Variants in UBE2R2 observed in about 807,000 individuals in gnomAD.
The protein encoded by UBE2R2 is ubiquitin conjugating enzyme E2 R2.
A neutral mutation model predicts 27.8 loss-of-function variants in UBE2R2; 1 was observed. That is an observed-to-expected ratio of 0.04 (90% CI 0.01 to 0.17). The LOEUF (loss-of-function observed/expected upper bound fraction) is 0.17, where lower values mean the gene tolerates loss of function less well. Among genes scored for constraint, UBE2R2 ranks in the 10% least tolerant of loss-of-function variants. The probability of loss-of-function intolerance (pLI) is 1.00; values close to 1 mark genes in which losing one functional copy is unlikely to be tolerated. For missense variants in UBE2R2, 100 were observed against 291.0 expected, an observed-to-expected ratio of 0.34 and a Z score of 4.78; for synonymous variants, 106 against 113.3, an observed-to-expected ratio of 0.94 and a Z score of 0.41.
At chr9:33,896,482 G>A (rs1041530883) in intron 2 of UBE2R2, among the ~76,000 whole-genome samples, 13 of 151,462 alleles carry the variant, frequency 8.6e-5, no homozygotes, top group South Asian at 8.3e-4. Context: ...TTACTCTGTC[G>A]CCCAGTCTGG....
intron 1 of UBE2R2, among the ~76,000 whole-genome samples, chr9:33,824,710 G>A (rs1820267028): frequency 6.6e-6 from 1 of 151,644 alleles, no homozygotes; most frequent in Non-Finnish European, 1.5e-5. Context: ...GGCTGAGGCA[G>A]GAGAATTGCT....
chr9:33,846,584 T>C (rs928537255), intron 1 of UBE2R2, among the ~76,000 whole-genome samples: 2 of 152,202 alleles, frequency 1.3e-5, no homozygotes, highest in African/African-American at 4.8e-5. Context: ...TACAGCATTA[T>C]GTGTGGCTCT....
chr9:33,864,363 C>CA (rs1268648712), intron 1 of UBE2R2, among the ~76,000 whole-genome samples: 1 of 152,044 alleles, frequency 6.6e-6, no homozygotes, highest in Non-Finnish European at 1.5e-5. Context: ...TTAGCCATAA[C>CA]AAACCATTCA....
rs776729663 is a variant in UBE2R2, at chr9:33,891,055, G to GT, written c.264+4100dup. 9.1e-3 allele frequency among the ~76,000 whole-genome samples: 1,144 copies of GT among 126,096 alleles called. 10 individuals carry two copies. Among genetic ancestry groups the GT allele is most frequent in the Non-Finnish European group, 0.013 (737 of 55,546 alleles). The allele number at this position is 126,096 out of a possible 152,430, so 82.7% of individuals were successfully genotyped here. On this transcript the variant is annotated intron_variant, in intron 2 of 4. Transcript: ENST00000263228. ...TTTTTTGTTGTTGTTGTGTTTTTTT[G>GT]TTTTTTTTTTTTGAGATGGAGTCTT...
intron 1 of UBE2R2, among the ~76,000 whole-genome samples, chr9:33,866,429 G>A (rs1210806783): frequency 6.6e-6 from 1 of 151,878 alleles, no homozygotes. Flanking sequence ...AGTAGAGACG[G>A]AGTTTCACCT....
intron 2 of UBE2R2, among the ~76,000 whole-genome samples, chr9:33,888,624 C>T (rs1331669500): frequency 1.3e-5 from 2 of 152,196 alleles, no homozygotes; most frequent in Non-Finnish European, 2.9e-5. Context: ...TCAAGCGATT[C>T]TCCTGTCTCA....
chr9:33,875,828 A>G (rs73490812), intron 1 of UBE2R2, among the ~76,000 whole-genome samples: 2,269 of 152,348 alleles, frequency 0.015, 38 homozygotes, highest in African/African-American at 0.042. Flanking sequence ...ACACAGGGCT[A>G]CTGATTCTAG....
At chr9:33,856,507 T>C (rs1022401504) in intron 1 of UBE2R2, among the ~76,000 whole-genome samples, 3 of 152,182 alleles carry the variant, frequency 2.0e-5, no homozygotes, top group African/African-American at 7.2e-5. Flanking sequence ...TTTACTATTG[T>C]GGAACATGAG....
intron 1 of UBE2R2, among the ~76,000 whole-genome samples, chr9:33,860,106 CTTTT>C (rs10606799): frequency 8.1e-5 from 12 of 148,380 alleles, no homozygotes; most frequent in African/African-American, 3.0e-4. Flanking sequence ...CTTGCCTGCC[CTTTT>C]TTTTTTTTTA....
chr9:33,866,263 G>C (rs969975614), intron 1 of UBE2R2, among the ~76,000 whole-genome samples: 3 of 149,368 alleles, frequency 2.0e-5, no homozygotes, highest in Admixed American at 6.7e-5. Context: ...TTTTGAGACA[G>C]AGTCTTGCTC....
At chr9:33,867,007 T>C (rs1350925164) in intron 1 of UBE2R2, among the ~76,000 whole-genome samples, 1 of 152,180 alleles carries the variant, frequency 6.6e-6, no homozygotes, top group East Asian at 1.9e-4. Context: ...GATATTACTT[T>C]TTGTGTCCTA....
At chr9:33,912,244 C>T (rs1383166840) in intron 4 of UBE2R2, 146 bp downstream of exon 4, 1 of 766,998 alleles carries the variant, frequency 1.3e-6, no homozygotes, top group African/African-American at 1.8e-5. Flanking sequence ...AAGATTTCTG[C>T]CTGAGCCTAA....
chr9:33,876,592 A>G (rs1239415614), intron 1 of UBE2R2, among the ~76,000 whole-genome samples: 4 of 152,250 alleles, frequency 2.6e-5, no homozygotes, highest in Non-Finnish European at 5.9e-5. Flanking sequence ...GTGGTAATGT[A>G]AGCATACTTT....
chr9:33,852,822 A>G (rs577812007), intron 1 of UBE2R2, among the ~76,000 whole-genome samples: 3 of 152,282 alleles, frequency 2.0e-5, no homozygotes, highest in African/African-American at 4.8e-5. Flanking sequence ...AGTCTGGCCA[A>G]TATGGTGTAA....
At chr9:33,873,868 T>G (rs1821543573) in intron 1 of UBE2R2, among the ~76,000 whole-genome samples, 1 of 151,820 alleles carries the variant, frequency 6.6e-6, no homozygotes, top group Non-Finnish European at 1.5e-5. Context: ...AACTTGAACT[T>G]CTGGGCTCAA....
At chr9:33,901,988 A>C (rs1822255094) in intron 3 of UBE2R2, among the ~76,000 whole-genome samples, 1 of 148,642 alleles carries the variant, frequency 6.7e-6, no homozygotes, top group Middle Eastern at 3.5e-3. Flanking sequence ...GTCACGGCTC[A>C]GCACAGCCTC....
chr9:33,884,198 A>ATCTCTCCCTCTCTCTCTCTCTCTC (rs1821798420), intron 1 of UBE2R2, among the ~76,000 whole-genome samples: 1 of 63,442 alleles, frequency 1.6e-5, no homozygotes, highest in South Asian at 8.3e-4. Context: ...CAACTTAAGA[A>ATCTCTCCCTCTCTCTCTCTCTCTC]TCTCTCTCTC....
At chr9:33,899,800 A>C (rs1259167112) in intron 2 of UBE2R2, among the ~76,000 whole-genome samples, 1 of 152,194 alleles carries the variant, frequency 6.6e-6, no homozygotes, top group Admixed American at 6.5e-5. Context: ...GCCCAGCCCC[A>C]GTCAATTTTT....
At chr9:33,824,638 CA>C (rs751827970) in intron 1 of UBE2R2, among the ~76,000 whole-genome samples, 1,120 of 81,410 alleles carry the variant, frequency 0.014, 23 homozygotes, top group African/African-American at 0.037. Context: ...GGCTCTGTCT[CA>C]AAAAAAAAAA....
Sources: gnomAD v4.1 joint callset for allele counts (sites outside exome capture counted in the v4.1 genomes callset) on GRCh38, gnomAD v4.1.1 for gene constraint, MANE v1.5 for transcripts, NCBI Gene and HGNC (gene_info 2026-07-23, HGNC 2026-07-21) for gene names.